Variants in TUBGCP5 observed in about 807,000 individuals in gnomAD.
The protein encoded by TUBGCP5 is gamma-tubulin complex component 5.
Under a neutral mutation model 134.7 loss-of-function variants are expected in TUBGCP5, and 98 were observed. The ratio of observed to expected loss-of-function variants is 0.73; its 90% CI spans 0.62 to 0.86. The LOEUF (loss-of-function observed/expected upper bound fraction) is 0.86. Ranked by LOEUF, TUBGCP5 falls within the 40% of genes least tolerant of loss-of-function variation. The pLI is 0.00. For missense variants in TUBGCP5, 1,150 were observed against 1,244.8 expected, an observed-to-expected ratio of 0.92 and a Z score of 1.15; for synonymous variants, 456 against 431.4, an observed-to-expected ratio of 1.06 and a Z score of -0.71.
In TUBGCP5 at chr15:23,005,500, G is replaced by A. The variant is rs779175003; in HGVS notation, c.2644C>T (p.Arg882Cys). Residue 882 changes from arginine (R) to cysteine (C), a missense_variant, in exon 19 of 23, where the codon CGC becomes TGC. Physicochemically the swap from Arg to Cys is radical, Grantham distance 180. Transcript: ENST00000615383. ...AGCTTCACTCTTAAGAGGAACATGC[G>A]ATGAATCTGCTGTCTTACTGGTTCT... is the stretch of plus-strand genomic sequence containing the variant. ...QKEPVRQQIH[R>C]MFLLRVKLMH... The A allele has an allele frequency of 6.8e-6, 11 of 1,614,162 alleles. No individual in the cohort carries two copies. Among genetic ancestry groups the A allele is most frequent in the South Asian group, 2.2e-5 (2 of 91,082 alleles).
At chr15:22,983,758 C>T (rs543341686) in intron 23 of TUBGCP5, 5 of 152,342 alleles carry the variant, frequency 3.3e-5, no homozygotes, top group African/African-American at 1.2e-4. Context: ...TAGTCCCCCT[C>T]CTCTGAGTTC....
At chr15:23,024,976 A>C in intron 8 of TUBGCP5, 146 bp from the exon 9 acceptor site, 3 of 572,392 alleles carry the variant, frequency 5.2e-6, no homozygotes, top group Non-Finnish European at 6.2e-6. Context: ...ATCACAGCTC[A>C]CTGGAGCCAC....
rs1290143700 is a variant in TUBGCP5, at chr15:23,000,660, A to G, written c.2937T>C (p.Ser979=). The change falls in exon 22 of 23, where the codon TCT becomes TCC. Residue 979 remains serine (S), a synonymous_variant. Coordinates refer to ENST00000615383, the MANE Select transcript of TUBGCP5 (RefSeq NM_052903.6). ...TAAAATCAGATTCCATTTTCTCTAT[A>G]GATTCCATTCTAGGAATAAAAGTAA... is the stretch of plus-strand genomic sequence containing the variant. ...QAGLGTWRME[S]IEKMESDFKN... The G allele has an allele frequency of 1.9e-6, 3 of 1,601,720 alleles. No individual in the cohort carries two copies. The highest frequency in any genetic ancestry group is 2.6e-6 in the Non-Finnish European group (3 of 1,171,872).
chr15:23,032,024 T>C lies in TUBGCP5; in HGVS notation c.412A>G (p.Lys138Glu), dbSNP rs778728660. The C allele has an allele frequency of 1.2e-6, 2 of 1,611,058 alleles. No individual in the cohort carries two copies. Among genetic ancestry groups the C allele is most frequent in the Non-Finnish European group, 1.7e-6 (2 of 1,178,178 alleles). Residue 138 changes from lysine to glutamate, a missense_variant, in exon 5 of 23, where the codon AAA (lysine) becomes GAA (glutamate). By Grantham distance (56) the Lys-to-Glu change is moderately conservative. This residue lies in a region of TUBGCP5 where 453 missense variants were observed against 394.7 expected (regional missense o/e 1.15). Transcript: ENST00000615383. ...ETPRNKEVEK[K>E]DDFDWGKYLM... ...TATTTTCCCCAGTCGAAATCATCTT[T>C]CTTTTCTAAAATGTAACAGAAGAAC...
chr15:23,005,973 T>C, intron 18 of TUBGCP5, 79 bp downstream of exon 18: 1 of 1,430,842 alleles, frequency 7.0e-7, no homozygotes, highest in African/African-American at 1.5e-5. Flanking sequence ...CCCCGTATGC[T>C]TCCCTTTCCC....
chr15:23,028,401 G>T, intron 6 of TUBGCP5, among the ~76,000 whole-genome samples: 1 of 104,268 alleles, frequency 9.6e-6, no homozygotes, highest in South Asian at 3.2e-4. Context: ...AAAAAAAAAA[G>T]CAAATCCAAA....
chr15:23,008,681 G>A lies in TUBGCP5; in HGVS notation c.2327+18C>T. ...TCATGTTACACTAATTTAAATAAAG[G>A]TGGCGTCCATATTTTACCGTGAACT... is the stretch of plus-strand genomic sequence containing the variant. On this transcript the variant is annotated intron_variant, in intron 16 of 22. Transcript: ENST00000615383. 6.2e-7 allele frequency: 1 copy of A among 1,603,784 alleles called. No homozygotes were observed. Among genetic ancestry groups the A allele is most frequent in the Non-Finnish European group, 8.5e-7 (1 of 1,177,024 alleles).
At chr15:23,016,369 C>T (rs1302853893) in intron 13 of TUBGCP5, among the ~76,000 whole-genome samples, 6 of 151,974 alleles carry the variant, frequency 3.9e-5, no homozygotes, top group Non-Finnish European at 8.8e-5. Context: ...TGGCGGGTGC[C>T]TATAATCCCA....
chr15:23,009,967 G>A lies in TUBGCP5; in HGVS notation c.2122C>T (p.Gln708Ter), dbSNP rs765813230. 6.2e-7 allele frequency: 1 copy of A among 1,611,934 alleles called. No individual in the cohort carries two copies. The highest frequency in any genetic ancestry group is 1.1e-5 in the South Asian group (1 of 90,678). Reference sequence around the variant, plus strand: ...TACCTGTAATCTTTTTTTAGAGTTTGCATGAGATTTCCACAGCAATCTAGA... The same window carrying A: ...TACCTGTAATCTTTTTTTAGAGTTTACATGAGATTTCCACAGCAATCTAGA... ...QYLDCCGNLM[Q>*]TLKKDYRLVE... The change falls in exon 15 of 23, where the codon CAA becomes TAA. Residue 708 changes from glutamine to a stop codon, truncating the protein, a stop_gained. Transcript: ENST00000615383. LOFTEE classifies it high-confidence loss of function.
intron 7 of TUBGCP5, 80 bp from the exon 8 acceptor site, chr15:23,026,285 T>C: frequency 8.0e-7 from 1 of 1,255,074 alleles, no homozygotes; most frequent in Non-Finnish European, 1.2e-6. Flanking sequence ...ATCTGCAATT[T>C]AGTGCTAACT....
At chr15:23,008,677 A>AAAGGT (rs1170934014) in intron 16 of TUBGCP5, 22 bp downstream of exon 16, 1 of 1,603,634 alleles carries the variant, frequency 6.2e-7, no homozygotes, top group East Asian at 2.2e-5. Flanking sequence ...TAATTTAAAT[A>AAAGGT]AAGGTGGCGT....
chr15:22,983,544 T>A (rs984737472), exon 24 of TUBGCP5: 2 of 152,114 alleles, frequency 1.3e-5, no homozygotes, highest in African/African-American at 4.8e-5. Context: ...GAGGTTGCAG[T>A]GAGCTGAGAT....
At chr15:23,009,187 G>T (rs2064891409) in intron 15 of TUBGCP5, among the ~76,000 whole-genome samples, 1 of 151,616 alleles carries the variant, frequency 6.6e-6, no homozygotes. Flanking sequence ...TTTAATATCT[G>T]GAATGTTTCT....
chr15:23,011,033 A>AGTTTTT (rs2065004409), intron 14 of TUBGCP5, 100 bp downstream of exon 14: 1 of 1,126,748 alleles, frequency 8.9e-7, no homozygotes, highest in Non-Finnish European at 1.3e-6. Context: ...AGCCTACAAG[A>AGTTTTT]GTTTTTGTTT....
intron 14 of TUBGCP5, among the ~76,000 whole-genome samples, chr15:23,010,722 T>C (rs1391359440): frequency 6.6e-6 from 1 of 152,110 alleles, no homozygotes; most frequent in East Asian, 1.9e-4. Context: ...CTCACACCTG[T>C]AATCCCAGCA....
At chr15:22,996,375 T>C (rs1230022076), downstream of TUBGCP5, among the ~76,000 whole-genome samples, 2 of 152,132 alleles carry the variant, frequency 1.3e-5, no homozygotes, top group Non-Finnish European at 2.9e-5. Context: ...CTGGGTGCAA[T>C]GGCGCACACC....
chr15:23,038,205 A>G (rs1469747204), intron 1 of TUBGCP5, among the ~76,000 whole-genome samples: 2 of 152,208 alleles, frequency 1.3e-5, no homozygotes, highest in African/African-American at 4.8e-5. Context: ...TTTTAGTATC[A>G]AAGCGAGCAA....
intron 6 of TUBGCP5, among the ~76,000 whole-genome samples, chr15:23,029,323 G>C (rs1245570075): frequency 6.6e-6 from 1 of 152,166 alleles, no homozygotes; most frequent in Non-Finnish European, 1.5e-5. Context: ...CTGGGTTCAA[G>C]CGATTCTTCT....
intron 15 of TUBGCP5, 75 bp downstream of exon 15, chr15:23,009,870 G>T: frequency 7.2e-7 from 1 of 1,385,526 alleles, no homozygotes; most frequent in Non-Finnish European, 9.7e-7. Flanking sequence ...ATTGAAATAG[G>T]TTTTAAAATA....
Sources: gnomAD v4.1 joint callset for allele counts (sites outside exome capture counted in the v4.1 genomes callset) on GRCh38, gnomAD v4.1.1 for gene constraint, gnomAD v4.1.1 regional missense constraint, MANE v1.5 for transcripts, NCBI Gene and HGNC (gene_info 2026-07-23, HGNC 2026-07-21) for gene names.